Variants in CD86 observed in about 807,000 individuals in gnomAD.
The protein encoded by CD86 is CD86 molecule.
Under a neutral mutation model 32.1 loss-of-function variants are expected in CD86, and 11 were observed. That is an observed-to-expected ratio of 0.34 (90% CI 0.22 to 0.57). The LOEUF (loss-of-function observed/expected upper bound fraction) is 0.57. CD86 is among the 20% of genes least tolerant of loss of function. The probability of loss-of-function intolerance (pLI) is 0.86; values close to 1 mark genes in which losing one functional copy is unlikely to be tolerated. For missense variants in CD86, 359 were observed against 398.4 expected (o/e 0.90, Z 0.84); for synonymous variants, 137 against 135.3 (o/e 1.01, Z -0.09).
At chr3:122,068,029 A>G (rs1414717171) in intron 1 of CD86, among the ~76,000 whole-genome samples, 1 of 152,190 alleles carries the variant, frequency 6.6e-6, no homozygotes, top group Non-Finnish European at 1.5e-5. Context: ...TTGGTCACAA[A>G]GTTGCCACAG....
intron 1 of CD86, among the ~76,000 whole-genome samples, chr3:122,072,179 A>G (rs866544297): frequency 1.7e-3 from 258 of 148,518 alleles, no homozygotes; most frequent in Middle Eastern, 0.01. Context: ...GAATAGTGCC[A>G]CAATAAACAT....
chr3:122,114,048 C>T (rs2073213952), intron 5 of CD86, among the ~76,000 whole-genome samples: 1 of 152,094 alleles, frequency 6.6e-6, no homozygotes, highest in East Asian at 1.9e-4. Context: ...ATCAGGAGTT[C>T]GAGACCCGCC....
chr3:122,080,423 CG>C (rs1374118872), intron 1 of CD86, among the ~76,000 whole-genome samples: 4 of 151,988 alleles, frequency 2.6e-5, no homozygotes, highest in African/African-American at 9.7e-5. Flanking sequence ...CTTGGGGGAC[CG>C]GAAAAGCTAA....
At chr3:122,072,442 T>A (rs2072501546) in intron 1 of CD86, among the ~76,000 whole-genome samples, 1 of 152,190 alleles carries the variant, frequency 6.6e-6, no homozygotes. Context: ...TGAGATGGTA[T>A]CTCATTGTGG....
At chr3:122,107,663 T>C (rs571856683) in intron 4 of CD86, among the ~76,000 whole-genome samples, 9 of 152,288 alleles carry the variant, frequency 5.9e-5, no homozygotes, top group Non-Finnish European at 1.2e-4. Context: ...TGACCCCTTC[T>C]CCAGCGGTGA....
chr3:122,069,314 G>A (rs2072457026), intron 1 of CD86, among the ~76,000 whole-genome samples: 2 of 152,058 alleles, frequency 1.3e-5, no homozygotes, highest in South Asian at 2.1e-4. Flanking sequence ...TCCAAATTGT[G>A]CAATTACATC....
chr3:122,078,615 T>A (rs2072587105), intron 1 of CD86, among the ~76,000 whole-genome samples: 1 of 152,190 alleles, frequency 6.6e-6, no homozygotes, highest in Non-Finnish European at 1.5e-5. Context: ...CAAGATCTAA[T>A]TTAAAAAGAA....
At chr3:122,102,410 T>C (rs1023127499) in intron 2 of CD86, among the ~76,000 whole-genome samples, 4 of 135,026 alleles carry the variant, frequency 3.0e-5, no homozygotes, top group Non-Finnish European at 6.4e-5. Context: ...TGCTTACTTT[T>C]TTTTTTTTTT....
chr3:122,111,736 TG>T (rs2073177549), intron 5 of CD86, among the ~76,000 whole-genome samples: 2 of 152,180 alleles, frequency 1.3e-5, no homozygotes, highest in African/African-American at 4.8e-5. Context: ...AAGAGACCAA[TG>T]TGGAAACAGC....
intron 2 of CD86, chr3:122,091,865 G>C (rs1334755687): frequency 3.6e-6 from 2 of 549,524 alleles, no homozygotes; most frequent in African/African-American, 3.8e-5. Context: ...TCTCCCCCCC[G>C]TGTGCTTCTT....
In CD86 at chr3:122,089,344, A is replaced by G. The variant is rs562263184; in HGVS notation, c.15-2257A>G. The stretch of plus-strand genomic sequence containing the variant: ...TTATGTGTATTATGCCACAACTAAT[A>G]AAGATTTCTAAAACTTATGAGATCT... On this transcript the variant is annotated intron_variant, in intron 1 of 6. Transcript: ENST00000330540. Among the ~76,000 whole-genome samples, 5 of 152,384 alleles carry G rather than the reference A, an allele frequency of 3.3e-5. No homozygotes were observed. In the East Asian group the frequency reaches 9.6e-4, roughly 29 times the overall value.
chr3:122,065,784 T>C (rs1433750295), intron 1 of CD86, among the ~76,000 whole-genome samples: 3 of 151,952 alleles, frequency 2.0e-5, no homozygotes, highest in Non-Finnish European at 2.9e-5. Context: ...TTTGAGGAAA[T>C]AAGATTCTAA....
Position 122,103,672 on chromosome 3 carries a change from T to G in CD86, c.225T>G (p.Phe75Leu). The part of the protein sequence containing the change: ...LNEVYLGKEK[F>L]DSVHSKYMGR... ...AGGTATACTTAGGCAAAGAGAAATT[T>G]GACAGTGTTCATTCCAAGTATATGG... Residue 75 changes from phenylalanine (F) to leucine (L), a missense_variant, in exon 3 of 7, where the codon TTT (phenylalanine) becomes TTG (leucine). Phe to Leu is a conservative substitution (Grantham distance 22). Transcript: ENST00000330540. 1 of 1,614,074 alleles carries G rather than the reference T, an allele frequency of 6.2e-7. No individual in the cohort carries two copies.
At chr3:122,101,961 A>G (rs1332698588) in intron 2 of CD86, among the ~76,000 whole-genome samples, 1 of 152,070 alleles carries the variant, frequency 6.6e-6, no homozygotes, top group Non-Finnish European at 1.5e-5. Context: ...AGTACTTCAC[A>G]GGGTCCTAGT....
At chr3:122,070,857 T>C (rs1434924604) in intron 1 of CD86, among the ~76,000 whole-genome samples, 1 of 152,212 alleles carries the variant, frequency 6.6e-6, no homozygotes, top group African/African-American at 2.4e-5. Flanking sequence ...GATGCTAATT[T>C]TCTTTCCCAC....
chr3:122,074,160 C>G (rs532280612), intron 1 of CD86, among the ~76,000 whole-genome samples: 1 of 152,348 alleles, frequency 6.6e-6, no homozygotes, highest in African/African-American at 2.4e-5. Context: ...GCCCCATGAG[C>G]AAAGCATGCT....
chr3:122,092,545 G>C (rs1455098471), intron 2 of CD86, among the ~76,000 whole-genome samples: 1 of 152,108 alleles, frequency 6.6e-6, no homozygotes, highest in Non-Finnish European at 1.5e-5. Flanking sequence ...ACAAAACTCA[G>C]ATCTTCCCTG....
intron 1 of CD86, chr3:122,086,467 C>T (rs912977489): frequency 2.4e-6 from 1 of 415,822 alleles, no homozygotes; most frequent in Admixed American, 2.5e-5. Flanking sequence ...CTCCTTCAGA[C>T]CTCAGATACA....
intron 1 of CD86, among the ~76,000 whole-genome samples, chr3:122,071,745 CTTTAAGT>C (rs2072491737): frequency 6.6e-6 from 1 of 151,092 alleles, no homozygotes; most frequent in Non-Finnish European, 1.5e-5. Flanking sequence ...TTTTATTATA[CTTTAAGT>C]TTTAGGGTAT....
Sources: allele counts gnomAD v4.1 joint callset (sites outside exome capture counted in the v4.1 genomes callset), GRCh38; gene constraint gnomAD v4.1.1; transcripts MANE v1.5; gene names NCBI Gene and HGNC (gene_info 2026-07-23, HGNC 2026-07-21).